The following COL24A1 variants were observed in gnomAD, a reference collection of about 807,000 sequenced individuals.
COL24A1 encodes collagen type XXIV alpha 1 chain.
A neutral mutation model predicts 253.9 loss-of-function variants in COL24A1; 224 were observed. That is an observed-to-expected ratio of 0.88 (90% CI 0.79 to 0.99). COL24A1 has a LOEUF of 0.99. COL24A1 is among the 50% of genes least tolerant of loss of function. The pLI, the probability that COL24A1 is intolerant of heterozygous loss-of-function variation, is 0.00. For missense variants in COL24A1, 2,131 were observed against 2,068.5 expected (o/e 1.03, Z -0.59); for synonymous variants, 685 against 673.7 (o/e 1.02, Z -0.26).
chr1:86,113,051 C>T (rs77698789), intron 4 of COL24A1, among the ~76,000 whole-genome samples: 1 of 152,192 alleles, frequency 6.6e-6, no homozygotes, highest in Non-Finnish European at 1.5e-5. Context: ...AAAAATATTA[C>T]TAGTGTAGCA....
At position 85,756,057 on chromosome 1, in the gene COL24A1, CAAAAA is replaced by C. The variant is rs200030128; in HGVS notation, c.4437+5334_4437+5338del. Among the ~76,000 whole-genome samples, 15 of 95,832 alleles carry C rather than the reference CAAAAA, an allele frequency of 1.6e-4. No individual in the cohort carries two copies. The South Asian group carries it at 2.5e-3, about 16-fold the overall frequency. The allele number at this position is 95,832 out of a possible 152,430, so 62.9% of individuals were successfully genotyped here. ...AGAGCTTCTACAACTTACTAACAAC[CAAAAA>C]AAAAAAAAAAAAAAAAAAGGCAACC... On this transcript the variant is annotated intron_variant, in intron 55 of 59. Coordinates refer to ENST00000370571, the MANE Select transcript of COL24A1 (RefSeq NM_152890.7).
intron 1 of COL24A1, among the ~76,000 whole-genome samples, chr1:86,147,066 G>A (rs1455343351): frequency 6.6e-6 from 1 of 152,138 alleles, no homozygotes; most frequent in Non-Finnish European, 1.5e-5. Flanking sequence ...CCCAGGGACT[G>A]TTCAAATGAT....
At chr1:85,883,017 C>G (rs946474171) in intron 32 of COL24A1, among the ~76,000 whole-genome samples, 1 of 152,130 alleles carries the variant, frequency 6.6e-6, no homozygotes, top group Non-Finnish European at 1.5e-5. Flanking sequence ...TTCCTATTCA[C>G]TTTGGCAATC....
At chr1:85,808,642 G>T (rs10158651) in intron 47 of COL24A1, among the ~76,000 whole-genome samples, 8,930 of 152,206 alleles carry the variant, frequency 0.059, 887 homozygotes, top group African/African-American at 0.2. Context: ...CATTAAACTG[G>T]ACTTGGAGAG....
chr1:85,899,825 T>C (rs1684097159), intron 28 of COL24A1, among the ~76,000 whole-genome samples: 1 of 152,210 alleles, frequency 6.6e-6, no homozygotes, highest in Admixed American at 6.5e-5. Flanking sequence ...ATAGCTGAAC[T>C]AGTCCAAATC....
intron 24 of COL24A1, among the ~76,000 whole-genome samples, chr1:85,944,531 C>A (rs1034287470): frequency 8.5e-5 from 13 of 152,162 alleles, no homozygotes; most frequent in African/African-American, 2.4e-4. Context: ...GAGATCATAG[C>A]CGAAATCCCT....
intron 47 of COL24A1, among the ~76,000 whole-genome samples, chr1:85,793,954 G>A (rs776773357): frequency 7.2e-5 from 11 of 152,012 alleles, no homozygotes; most frequent in Non-Finnish European, 1.5e-4. Flanking sequence ...AAAGAAACCC[G>A]AAGAGAGAGC....
Position 85,847,717 on chromosome 1 carries a change from C to G in COL24A1, c.3410G>C (p.Gly1137Ala), listed in dbSNP as rs763486597. The part of the protein sequence containing the change: ...TGEVGSRGPP[G>A]KIGKSGPKGA... ...CTTAGGACCACTTTTCCCAATTTTT[C>G]CAGGAGGACCTCTGCTTCCAACTTC... The change falls in exon 39 of 60, where the codon GGA (glycine) becomes GCA (alanine). Residue 1137 changes from glycine to alanine, a missense_variant. By Grantham distance (60) the Gly-to-Ala change is moderately conservative (BLOSUM62 0). Coordinates refer to ENST00000370571, the MANE Select transcript of COL24A1 (RefSeq NM_152890.7). The G allele has an allele frequency of 3.0e-5, 48 of 1,613,718 alleles. No homozygotes were observed. Among genetic ancestry groups the G allele is most frequent in the Non-Finnish European group, 4.1e-5 (48 of 1,179,844 alleles).
intron 19 of COL24A1, among the ~76,000 whole-genome samples, chr1:85,996,935 A>C (rs1051651715): frequency 2.0e-5 from 3 of 151,678 alleles, no homozygotes; most frequent in Admixed American, 2.0e-4. Context: ...TTAGATACAC[A>C]GCTATGGGTC....
chr1:86,002,842 C>CA (rs1259611209), intron 19 of COL24A1, among the ~76,000 whole-genome samples: 1 of 152,000 alleles, frequency 6.6e-6, no homozygotes, highest in Non-Finnish European at 1.5e-5. Flanking sequence ...TACTCCACCA[C>CA]AAAAAAAGGA....
At chr1:86,047,136 A>C (rs2101650892) in intron 11 of COL24A1, among the ~76,000 whole-genome samples, 1 of 152,254 alleles carries the variant, frequency 6.6e-6, no homozygotes, top group Non-Finnish European at 1.5e-5. Context: ...GGTGATAGCT[A>C]TTTGTCCAGA....
intron 2 of COL24A1, among the ~76,000 whole-genome samples, chr1:86,139,721 C>T (rs1294075483): frequency 6.6e-6 from 1 of 152,108 alleles, no homozygotes; most frequent in Non-Finnish European, 1.5e-5. Context: ...TGATCAGTTA[C>T]ATCCCAAAGC....
chr1:86,063,963 T>TAA (rs1701298729), intron 7 of COL24A1, among the ~76,000 whole-genome samples: 1 of 152,000 alleles, frequency 6.6e-6, no homozygotes, highest in Admixed American at 6.5e-5. Context: ...AATTAATTCT[T>TAA]ATTAATAATT....
chr1:85,910,794 A>G (rs1319341681), intron 25 of COL24A1, among the ~76,000 whole-genome samples: 1 of 151,946 alleles, frequency 6.6e-6, no homozygotes, highest in Non-Finnish European at 1.5e-5. Flanking sequence ...AACAGAGATG[A>G]AACAACCAGA....
At chr1:86,066,431 A>G in intron 7 of COL24A1, among the ~76,000 whole-genome samples, 1 of 151,220 alleles carries the variant, frequency 6.6e-6, no homozygotes, top group Non-Finnish European at 1.5e-5. Flanking sequence ...TTTTTAGTAG[A>G]GATGGGGTTT....
At chr1:86,116,852 C>G (rs1272385247) in intron 3 of COL24A1, among the ~76,000 whole-genome samples, 1 of 152,130 alleles carries the variant, frequency 6.6e-6, no homozygotes, top group Non-Finnish European at 1.5e-5. Flanking sequence ...TATTCAGCCC[C>G]TAACTGAGGG....
At chr1:85,914,681 G>A (rs1685720225) in intron 24 of COL24A1, among the ~76,000 whole-genome samples, 1 of 152,088 alleles carries the variant, frequency 6.6e-6, no homozygotes, top group South Asian at 2.1e-4. Context: ...GTAAGCCACT[G>A]CTCCTGCCCT....
chr1:85,804,243 A>G (rs1671725925), intron 47 of COL24A1, among the ~76,000 whole-genome samples: 1 of 152,178 alleles, frequency 6.6e-6, no homozygotes, highest in African/African-American at 2.4e-5. Context: ...GGGATATGAG[A>G]ATATGTGAAA....
At chr1:86,017,800 C>T (rs1697138279) in intron 18 of COL24A1, among the ~76,000 whole-genome samples, 1 of 152,222 alleles carries the variant, frequency 6.6e-6, no homozygotes, top group Non-Finnish European at 1.5e-5. Flanking sequence ...ATATGAAGTA[C>T]TCATTAAATG....
Sources: gnomAD v4.1 joint callset for allele counts (sites outside exome capture counted in the v4.1 genomes callset) on GRCh38, gnomAD v4.1.1 for gene constraint, MANE v1.5 for transcripts, NCBI Gene and HGNC (gene_info 2026-07-23, HGNC 2026-07-21) for gene names.